AMPD3: variants seen among roughly 807,000 people sequenced by gnomAD.
The protein encoded by AMPD3 is AMP deaminase 3.
A neutral mutation model predicts 82.3 loss-of-function variants in AMPD3; 57 were observed. The observed-to-expected ratio is 0.69, with a 90% CI of 0.56 to 0.86. The LOEUF (loss-of-function observed/expected upper bound fraction) is 0.86. AMPD3 is among the 40% of genes least tolerant of loss of function. The pLI is 0.00. For synonymous variants in AMPD3, 381 were observed against 394.7 expected (o/e 0.97, Z 0.41); for missense variants, 870 against 1,003.8 (o/e 0.87, Z 1.80).
chr11:10,453,164 G>T (rs1048076352), upstream of AMPD3, among the ~76,000 whole-genome samples: 1 of 152,198 alleles, frequency 6.6e-6, no homozygotes, highest in Admixed American at 6.5e-5. Context: ...TGGCCAGGCT[G>T]GTCTCAAAAC....
rs1437380032 is a variant in AMPD3 at position 10,461,222 on chromosome 11, T to A, written c.-5-293T>A. The A allele has an allele frequency of 3.1e-6, 4 of 1,288,048 alleles. No homozygotes were observed. In the African/African-American group the frequency reaches 6.0e-5, roughly 19 times the overall value. 79.8% of individuals were successfully genotyped at this position (1,288,048 alleles called of 1,614,324 possible). On this transcript the variant is annotated intron_variant, in intron 1 of 14. Transcript: ENST00000396553. ...AAGTCAGGAGGGCAGGGCTGCCAGG[T>A]GCTGCAGATTCCCTGAGTTTGGGAA...
intron 2 of AMPD3, chr11:10,477,204 A>G: frequency 2.9e-6 from 2 of 680,592 alleles, no homozygotes; most frequent in Non-Finnish European, 3.6e-6. Context: ...GCCTGTAGGT[A>G]TCACACTAGT....
intron 2 of AMPD3, chr11:10,476,798 A>G (rs1848751669): frequency 6.9e-6 from 3 of 436,648 alleles, no homozygotes; most frequent in Non-Finnish European, 9.1e-6. Context: ...GTGACTGACA[A>G]GGTGGCATCC....
intron 11 of AMPD3, 65 bp downstream of exon 11, chr11:10,500,314 C>T (rs1849541731): frequency 1.3e-6 from 2 of 1,564,060 alleles, no homozygotes; most frequent in Non-Finnish European, 1.8e-6. Flanking sequence ...CATGCACACA[C>T]ATGCACACAC....
chr11:10,498,341 T>C (rs1344721050), intron 10 of AMPD3: 1 of 152,758 alleles, frequency 6.5e-6, no homozygotes, highest in Non-Finnish European at 1.5e-5. Context: ...CGAAGGTTGC[T>C]GCCAGCAATG....
In AMPD3 at chr11:10,505,875, G is replaced by C. The variant is rs769854534; in HGVS notation, c.2295G>C (p.Leu765Phe). ...TGAAATCAGAAGAGATCACCGCCTT[G>C]ACCAACTAGGTCCAGCATTTGACAT... ...DAMKSEEITA[L>F]TN Residue 765 changes from leucine (L) to phenylalanine (F), a missense_variant, in exon 15 of 15, where the codon TTG becomes TTC. By Grantham distance (22) the Leu-to-Phe change is conservative. Transcript: ENST00000396553. 5.6e-6 allele frequency: 9 copies of C among 1,614,138 alleles called. No homozygotes were observed. Among genetic ancestry groups the C allele is most frequent in the African/African-American group, 1.3e-5 (1 of 75,042 alleles).
intron 2 of AMPD3, among the ~76,000 whole-genome samples, chr11:10,474,768 A>T (rs1848689761): frequency 6.6e-6 from 1 of 152,178 alleles, no homozygotes; most frequent in Non-Finnish European, 1.5e-5. Flanking sequence ...TCACAGCCCC[A>T]CACTCTGCTG....
chr11:10,480,385 G>C (rs1486658619), intron 3 of AMPD3, among the ~76,000 whole-genome samples: 1 of 152,162 alleles, frequency 6.6e-6, no homozygotes, highest in East Asian at 1.9e-4. Flanking sequence ...GTCGGTGTCT[G>C]CTCACCTATT....
chr11:10,502,160 G>A, intron 12 of AMPD3: 2 of 985,414 alleles, frequency 2.0e-6, no homozygotes, highest in Non-Finnish European at 2.4e-6. Flanking sequence ...CACGATGTTT[G>A]ATCAAAATGC....
chr11:10,481,260 G>T, intron 3 of AMPD3, among the ~76,000 whole-genome samples: 1 of 152,196 alleles, frequency 6.6e-6, no homozygotes, highest in African/African-American at 2.4e-5. Flanking sequence ...GGTTGGCAAA[G>T]AAGCAGGCTG....
At chr11:10,476,753 G>T (rs992561766) in intron 2 of AMPD3, among the ~76,000 whole-genome samples, 1 of 152,196 alleles carries the variant, frequency 6.6e-6, no homozygotes, top group African/African-American at 2.4e-5. Flanking sequence ...GCCAAAGGGA[G>T]AACCTCATCC....
At chr11:10,470,403 G>A (rs4909933) in intron 2 of AMPD3, among the ~76,000 whole-genome samples, 27,917 of 152,122 alleles carry the variant, frequency 0.18, 2,733 homozygotes, top group Admixed American at 0.3. Flanking sequence ...GAAAACTGGC[G>A]CAAGACAAGT....
chr11:10,450,770 G>T, upstream of AMPD3: 2 of 1,160,454 alleles, frequency 1.7e-6, no homozygotes, highest in Non-Finnish European at 2.1e-6. Flanking sequence ...CCCAGGTAGG[G>T]CACCGACGGG....
intron 2 of AMPD3, among the ~76,000 whole-genome samples, chr11:10,462,263 T>C (rs1445842620): frequency 6.6e-6 from 1 of 152,080 alleles, no homozygotes; most frequent in Non-Finnish European, 1.5e-5. Flanking sequence ...ACCAATGAAG[T>C]ATTAGAATTT....
chr11:10,461,293 C>A, intron 1 of AMPD3: 1 of 1,523,836 alleles, frequency 6.6e-7, no homozygotes, highest in South Asian at 1.1e-5. Context: ...GAATTTTGAA[C>A]ACTTGCTTTC....
intron 2 of AMPD3, chr11:10,473,647 T>TACAGAGAGAGCAGGGGC: frequency 1.0e-6 from 1 of 967,590 alleles, no homozygotes. Context: ...TGTGCGCCCC[T>TACAGAGAGAGCAGGGGC]GCTCTCTCTG....
chr11:10,461,784 G>A lies in AMPD3; in HGVS notation c.221+44G>A, dbSNP rs1249807438. Reference sequence around the variant, plus strand: ...GTTTTCGTGTACATAGAGTCATGCAGACCCAGGCAGGCTGTGGGTGTGTGT... The same window carrying A: ...GTTTTCGTGTACATAGAGTCATGCAAACCCAGGCAGGCTGTGGGTGTGTGT... On this transcript the variant is annotated intron_variant, in intron 2 of 14. Transcript: ENST00000396553. 21 of 1,546,830 alleles carry A rather than the reference G, an allele frequency of 1.4e-5. No homozygotes were observed. In the East Asian group the frequency reaches 5.1e-4, roughly 37 times the overall value.
At chr11:10,471,860 T>G (rs1848601690) in intron 2 of AMPD3, among the ~76,000 whole-genome samples, 1 of 152,200 alleles carries the variant, frequency 6.6e-6, no homozygotes, top group African/African-American at 2.4e-5. Flanking sequence ...GAGTGTAAAT[T>G]AGTTCAACCA....
At position 10,489,693 on chromosome 11, in the gene AMPD3, T is replaced by C. The variant is rs1471053601; in HGVS notation, c.939+2329T>C. ...GATAGCACTCTGTCTCTCTTTTTTT[T>C]TTTTGAGATGAAGTTTTGCTCTTGT... On this transcript the variant is annotated intron_variant, in intron 6 of 14. Transcript: ENST00000396553. Among the ~76,000 whole-genome samples the C allele has an allele frequency of 2.0e-5, 3 of 151,994 alleles. No homozygotes were observed. In the East Asian group the frequency reaches 5.8e-4, roughly 29 times the overall value.
Sources: allele counts gnomAD v4.1 joint callset (sites outside exome capture counted in the v4.1 genomes callset), GRCh38; gene constraint gnomAD v4.1.1; transcripts MANE v1.5; gene names NCBI Gene and HGNC (gene_info 2026-07-23, HGNC 2026-07-21).